The following STK32B variants were observed in gnomAD, a reference collection of about 807,000 sequenced individuals.
STK32B encodes the protein serine/threonine kinase 32B.
In STK32B, 43 loss-of-function variants were observed where a neutral mutation model predicts 52.6. The ratio of observed to expected loss-of-function variants is 0.82; its 90% CI spans 0.64 to 1.05. STK32B has a LOEUF of 1.05. STK32B is among the 50% of genes least tolerant of loss of function. The pLI, the probability that STK32B is intolerant of heterozygous loss-of-function variation, is 0.00. For synonymous variants in STK32B, 238 were observed against 204.3 expected (o/e 1.17, Z -1.41); for missense variants, 621 against 534.6 (o/e 1.16, Z -1.59).
intron 6 of STK32B, among the ~76,000 whole-genome samples, chr4:5,434,448 G>T (rs1577490838): frequency 9.5e-6 from 1 of 105,242 alleles, no homozygotes; most frequent in South Asian, 5.9e-4. Context: ...GTGTGTGTGT[G>T]TGTGTGTATA....
At chr4:5,245,900 C>G (rs569385321) in intron 3 of STK32B, among the ~76,000 whole-genome samples, 18 of 152,226 alleles carry the variant, frequency 1.2e-4, no homozygotes, top group African/African-American at 4.3e-4. Context: ...GAATATTGGC[C>G]CCCACTCTCT....
chr4:5,151,721 C>T (rs1160139301), intron 2 of STK32B, among the ~76,000 whole-genome samples: 1 of 152,114 alleles, frequency 6.6e-6, no homozygotes, highest in Admixed American at 6.6e-5. Context: ...CAGGCTGATG[C>T]TAATATATGT....
At chr4:5,204,633 C>A (rs1722428430) in intron 3 of STK32B, among the ~76,000 whole-genome samples, 1 of 151,972 alleles carries the variant, frequency 6.6e-6, no homozygotes, top group African/African-American at 2.4e-5. Flanking sequence ...CCACACCTGG[C>A]TAATTTTTGT....
At chr4:5,231,830 C>T (rs960452221) in intron 3 of STK32B, among the ~76,000 whole-genome samples, 2 of 152,008 alleles carry the variant, frequency 1.3e-5, no homozygotes, top group African/African-American at 4.8e-5. Flanking sequence ...ATCAATAGCC[C>T]AGGAGGATCA....
intron 2 of STK32B, among the ~76,000 whole-genome samples, chr4:5,154,940 A>T (rs1346992912): frequency 6.6e-6 from 1 of 152,154 alleles, no homozygotes; most frequent in Non-Finnish European, 1.5e-5. Flanking sequence ...CCCACTCGGG[A>T]TATGTGCCAG....
At chr4:5,355,042 CTGACAAAACCT>C (rs1734079821) in intron 4 of STK32B, among the ~76,000 whole-genome samples, 2 of 152,122 alleles carry the variant, frequency 1.3e-5, no homozygotes, top group South Asian at 4.1e-4. Flanking sequence ...GGACACAGCC[CTGACAAAACCT>C]TGACTTTCCA....
intron 11 of STK32B, among the ~76,000 whole-genome samples, chr4:5,487,283 A>G (rs1231597270): frequency 6.6e-6 from 1 of 152,208 alleles, no homozygotes; most frequent in Non-Finnish European, 1.5e-5. Flanking sequence ...ATTGATTTCC[A>G]TCTAATTAGT....
At chr4:5,291,843 A>G (rs1354569688) in intron 3 of STK32B, among the ~76,000 whole-genome samples, 4 of 151,566 alleles carry the variant, frequency 2.6e-5, no homozygotes, top group Non-Finnish European at 4.4e-5. Flanking sequence ...AGTTGAGGAA[A>G]CGCCTTTCTG....
chr4:5,225,833 A>G (rs983468652), intron 3 of STK32B, among the ~76,000 whole-genome samples: 1 of 152,228 alleles, frequency 6.6e-6, no homozygotes, highest in African/African-American at 2.4e-5. Context: ...GAAGAGGGAA[A>G]TAGTTTGGTC....
intron 4 of STK32B, among the ~76,000 whole-genome samples, chr4:5,393,922 A>G (rs941132921): frequency 3.9e-5 from 6 of 152,120 alleles, no homozygotes; most frequent in Non-Finnish European, 8.8e-5. Flanking sequence ...ATGCATATGG[A>G]TAGCATATTC....
At chr4:5,456,402 G>A (rs1000545556) in intron 7 of STK32B, among the ~76,000 whole-genome samples, 5 of 152,238 alleles carry the variant, frequency 3.3e-5, no homozygotes, top group Non-Finnish European at 7.3e-5. Flanking sequence ...GGAAAGTGGC[G>A]GCCAAGGCCC....
rs200930029 is a variant in STK32B at position 5,485,176 on chromosome 4, CAG to C, written c.1107-13766_1107-13765del. On this transcript the variant is annotated intron_variant, in intron 11 of 11. Coordinates refer to ENST00000282908, the MANE Select transcript of STK32B (RefSeq NM_018401.3). ...AGAAGTTCTCCTGGATAATATCCTG[CAG>C]AGTGTTTTCCAACTTGGTTCCATTC... Among the ~76,000 whole-genome samples the C allele has an allele frequency of 7.0e-3, 1,065 of 152,250 alleles. 6 individuals carry two copies. Among genetic ancestry groups the C allele is most frequent in the African/African-American group, 0.024 (1,015 of 41,538 alleles).
intron 3 of STK32B, among the ~76,000 whole-genome samples, chr4:5,239,964 A>G (rs376070824): frequency 6.6e-6 from 1 of 151,914 alleles, no homozygotes; most frequent in African/African-American, 2.4e-5. Context: ...CACCTGGCCA[A>G]TCATACAAGG....
chr4:5,427,041 T>C (rs987219580), intron 6 of STK32B: 7 of 152,238 alleles, frequency 4.6e-5, no homozygotes, highest in Admixed American at 2.0e-4. Context: ...ATAAGGTTTT[T>C]GCAGTTCTTT....
intron 3 of STK32B, among the ~76,000 whole-genome samples, chr4:5,175,138 G>A (rs1719739220): frequency 6.6e-6 from 1 of 152,164 alleles, no homozygotes; most frequent in Admixed American, 6.5e-5. Context: ...TCGTGCCGTG[G>A]TTTTCAGCTC....
intron 4 of STK32B, among the ~76,000 whole-genome samples, chr4:5,366,796 A>G (rs574538189): frequency 4.4e-4 from 67 of 152,294 alleles, no homozygotes; most frequent in African/African-American, 1.5e-3. Flanking sequence ...TGAGTAAACG[A>G]TATCAGTAGT....
At chr4:5,208,460 T>C (rs551562964) in intron 3 of STK32B, among the ~76,000 whole-genome samples, 1 of 152,326 alleles carries the variant, frequency 6.6e-6, no homozygotes, top group Non-Finnish European at 1.5e-5. Context: ...TACAACACTT[T>C]GTAGTTGTTA....
chr4:5,080,106 C>A (rs1712326798), intron 1 of STK32B, among the ~76,000 whole-genome samples: 1 of 151,980 alleles, frequency 6.6e-6, no homozygotes, highest in African/African-American at 2.4e-5. Context: ...AAGCCAGGGT[C>A]TTCTCATTAC....
intron 3 of STK32B, among the ~76,000 whole-genome samples, chr4:5,204,436 GTTTGT>G (rs1722404922): frequency 3.0e-5 from 3 of 99,692 alleles, no homozygotes; most frequent in Admixed American, 2.1e-4. Flanking sequence ...GGTTTTTTTT[GTTTGT>G]TTTTGTTTTT....
Sources: gnomAD v4.1 joint callset for allele counts (sites outside exome capture counted in the v4.1 genomes callset) on GRCh38, gnomAD v4.1.1 for gene constraint, MANE v1.5 for transcripts, NCBI Gene and HGNC (gene_info 2026-07-23, HGNC 2026-07-21) for gene names.